Variants in GFOD2 observed in about 807,000 individuals in gnomAD.
GFOD2 encodes Gfo/Idh/MocA-like oxidoreductase domain containing 2, also known as glucose-fructose oxidoreductase domain-containing protein 2.
In GFOD2, 9 loss-of-function variants were observed where a neutral mutation model predicts 24.6. The ratio of observed to expected loss-of-function variants is 0.37; its 90% CI spans 0.22 to 0.64. The LOEUF is 0.64. Ranked by LOEUF, GFOD2 falls within the 30% of genes least tolerant of loss-of-function variation. GFOD2 has a pLI of 0.65. For missense variants in GFOD2, 476 were observed against 532.5 expected (o/e 0.89, Z 1.04); for synonymous variants, 211 against 224.8 (o/e 0.94, Z 0.55).
chr16:67,686,237 T>C (rs990091959), intron 1 of GFOD2, among the ~76,000 whole-genome samples: 1 of 152,164 alleles, frequency 6.6e-6, no homozygotes, highest in East Asian at 1.9e-4. Flanking sequence ...TAAGCTATGA[T>C]TGTGCTACTG....
chr16:67,684,389 AATAAT>A (rs2142993518), intron 2 of GFOD2: 1 of 149,004 alleles, frequency 6.7e-6, no homozygotes, highest in South Asian at 2.1e-4. Context: ...AATAAAATAA[AATAAT>A]AATAATAATT....
rs141345196 is a variant in GFOD2, at chr16:67,675,346, C to T, written c.967G>A (p.Asp323Asn). 2.5e-5 allele frequency: 41 copies of T among 1,613,052 alleles called. No homozygotes were observed. In the African/African-American group the frequency reaches 3.3e-4, roughly 13 times the overall value. Residue 323 changes from aspartate (D) to asparagine (N), a missense_variant, in exon 3 of 3, where the codon GAC becomes AAC. Transcript: ENST00000268797. ...ALRQSFQGQGDRRTWDRTPVS... is the reference protein window; with the variant it reads ...ALRQSFQGQGNRRTWDRTPVS... ...GGGGTGCGGTCCCAGGTGCGGCGGT[C>T]GCCCTGCCCCTGGAAGGACTGGCGC...
At chr16:67,705,014 A>G (rs1272823805) in intron 1 of GFOD2, among the ~76,000 whole-genome samples, 1 of 152,170 alleles carries the variant, frequency 6.6e-6, no homozygotes, top group Admixed American at 6.5e-5. Flanking sequence ...GTGGGATGTA[A>G]TTCAAATTGA....
intron 2 of GFOD2, chr16:67,683,119 C>T: frequency 1.3e-6 from 1 of 761,968 alleles, no homozygotes; most frequent in Non-Finnish European, 1.6e-6. Context: ...TGCCACCATG[C>T]CTGGCTAATT....
chr16:67,692,876 C>G (rs1015875551), intron 1 of GFOD2, among the ~76,000 whole-genome samples: 1 of 150,274 alleles, frequency 6.7e-6, no homozygotes, highest in Admixed American at 6.6e-5. Flanking sequence ...AATACAAAAA[C>G]AAAATTATCC....
At chr16:67,706,336 A>G (rs2053439257) in intron 1 of GFOD2, among the ~76,000 whole-genome samples, 2 of 152,172 alleles carry the variant, frequency 1.3e-5, no homozygotes, top group Non-Finnish European at 2.9e-5. Context: ...GGGCTTTTAA[A>G]AAGAGCCATT....
chr16:67,688,880 GC>G (rs945131625), intron 1 of GFOD2, among the ~76,000 whole-genome samples: 1 of 150,206 alleles, frequency 6.7e-6, no homozygotes, highest in Admixed American at 6.7e-5. Context: ...GACTACAGAC[GC>G]CCCCCCACCA....
chr16:67,682,767 T>A, intron 2 of GFOD2: 1 of 985,252 alleles, frequency 1.0e-6, no homozygotes, highest in Non-Finnish European at 1.2e-6. Context: ...GAGAGAAAAA[T>A]CACAGCACGA....
intron 1 of GFOD2, among the ~76,000 whole-genome samples, chr16:67,688,836 G>A (rs1215967856): frequency 4.0e-5 from 6 of 148,812 alleles, no homozygotes; most frequent in Non-Finnish European, 7.4e-5. Context: ...CCGGGTTCAC[G>A]CCATTCTCCC....
At chr16:67,701,020 GA>G (rs2053399104) in intron 1 of GFOD2, among the ~76,000 whole-genome samples, 1 of 144,670 alleles carries the variant, frequency 6.9e-6, no homozygotes, top group Non-Finnish European at 1.5e-5. Flanking sequence ...CTGGGTGACA[GA>G]GTGAGACTCT....
chr16:67,708,331 C>T (rs1217119999), intron 1 of GFOD2, among the ~76,000 whole-genome samples: 3 of 152,152 alleles, frequency 2.0e-5, no homozygotes, highest in African/African-American at 7.2e-5. Context: ...GGGACATCAT[C>T]GGTACAGGCT....
rs369776498 is a variant in GFOD2 at position 67,713,665 on chromosome 16, G to A, written c.-88+5498C>T. ...TATTACAAAGGATAGAGATGAAGAA[G>A]GTGCATAGGGCAAGGTATGGGGGAA... On this transcript the variant is annotated intron_variant, in intron 1 of 2. Coordinates refer to ENST00000268797, the MANE Select transcript of GFOD2 (RefSeq NM_030819.4). Among the ~76,000 whole-genome samples the A allele has an allele frequency of 4.1e-4, 62 of 152,282 alleles. 1 individual carries two copies. In the South Asian group the frequency reaches 6.6e-3, roughly 16 times the overall value.
intron 1 of GFOD2, among the ~76,000 whole-genome samples, chr16:67,693,204 C>T (rs867081711): frequency 3.2e-4 from 48 of 152,220 alleles, no homozygotes; most frequent in Middle Eastern, 3.4e-3. Context: ...AGTAGCACTG[C>T]ATCTGCATAT....
intron 2 of GFOD2, among the ~76,000 whole-genome samples, chr16:67,678,038 T>C (rs1298118221): frequency 6.6e-6 from 1 of 152,288 alleles, no homozygotes; most frequent in Non-Finnish European, 1.5e-5. Flanking sequence ...TTATTTCTGA[T>C]GGCTCACTGC....
intron 1 of GFOD2, among the ~76,000 whole-genome samples, chr16:67,700,785 C>T (rs1223305187): frequency 6.7e-6 from 1 of 149,134 alleles, no homozygotes; most frequent in Non-Finnish European, 1.5e-5. Flanking sequence ...GTAATCCCAG[C>T]ACTTTGGGAG....
chr16:67,696,789 C>T lies in GFOD2; in HGVS notation c.-87-10987G>A, dbSNP rs2053363030. Among the ~76,000 whole-genome samples the T allele has an allele frequency of 2.6e-5, 4 of 152,190 alleles. No homozygotes were observed. In the South Asian group the frequency reaches 6.2e-4, roughly 24 times the overall value. On this transcript the variant is annotated intron_variant, in intron 1 of 2. Coordinates refer to ENST00000268797, the MANE Select transcript of GFOD2 (RefSeq NM_030819.4). ...CGCCCGGCCGAAAAATTTTTAATAA[C>T]CTGTTTTACTGCCACTGACTCAAAG...
intron 1 of GFOD2, among the ~76,000 whole-genome samples, chr16:67,694,650 CT>C (rs1228019010): frequency 3.3e-5 from 5 of 152,122 alleles, no homozygotes; most frequent in African/African-American, 1.2e-4. Flanking sequence ...TTTGCTCCTA[CT>C]GTAGACACAA....
At chr16:67,677,576 A>G (rs1405374132) in intron 2 of GFOD2, 1 of 152,298 alleles carries the variant, frequency 6.6e-6, no homozygotes, top group African/African-American at 2.4e-5. Context: ...TGCTCTAGCC[A>G]CTGAATGTGA....
At chr16:67,685,312 T>C (rs2053257510) in intron 2 of GFOD2, 145 bp downstream of exon 2, 1 of 1,476,198 alleles carries the variant, frequency 6.8e-7, no homozygotes. Context: ...CCCCAAGCAC[T>C]GCTTCAGGGA....
Sources: allele counts gnomAD v4.1 joint callset (sites outside exome capture counted in the v4.1 genomes callset), GRCh38; gene constraint gnomAD v4.1.1; transcripts MANE v1.5; gene names NCBI Gene and HGNC (gene_info 2026-07-23, HGNC 2026-07-21).